The following MAGI2 variants were observed in gnomAD, a reference collection of about 807,000 sequenced individuals.
MAGI2 encodes the protein membrane-associated guanylate kinase, WW and PDZ domain-containing protein 2.
A neutral mutation model predicts 133.3 loss-of-function variants in MAGI2; 35 were observed. The observed-to-expected ratio is 0.26, with a 90% CI of 0.20 to 0.35. MAGI2 has a LOEUF of 0.35. Ranked by LOEUF, MAGI2 falls within the 10% of genes least tolerant of loss-of-function variation. The probability of loss-of-function intolerance (pLI) is 1.00; values close to 1 mark genes in which losing one functional copy is unlikely to be tolerated. For synonymous variants in MAGI2, 729 were observed against 710.6 expected (o/e 1.03, Z -0.41); for missense variants, 1,636 against 1,863.4 (o/e 0.88, Z 2.25).
At chr7:79,186,226 A>T (rs13311944) in intron 1 of MAGI2, among the ~76,000 whole-genome samples, 24,538 of 60,298 alleles carry the variant, frequency 0.41, 5,526 homozygotes, top group African/African-American at 0.59. Flanking sequence ...ATATATATAT[A>T]TATATATATA....
chr7:79,423,559 C>T (rs920501216), intron 1 of MAGI2, among the ~76,000 whole-genome samples: 6 of 151,670 alleles, frequency 4.0e-5, no homozygotes, highest in African/African-American at 9.7e-5. Flanking sequence ...TGTGAGGAGA[C>T]GAGTCTTTCA....
In MAGI2 at chr7:78,531,376, A is replaced by C. The variant is rs190967012; in HGVS notation, c.539-9731T>G. On this transcript the variant is annotated intron_variant, in intron 3 of 21. Coordinates refer to ENST00000354212, the MANE Select transcript of MAGI2 (RefSeq NM_012301.4). ...CTACAGGCATGCACCTCCACGTCGAATTAATTTTTGTATATTTAGTAGAGA... is the reference window on the plus strand; with the variant it reads ...CTACAGGCATGCACCTCCACGTCGACTTAATTTTTGTATATTTAGTAGAGA... 1.2e-3 allele frequency among the ~76,000 whole-genome samples: 188 copies of C among 151,934 alleles called. No homozygotes were observed. The Middle Eastern group carries it at 0.024, about 19-fold the overall frequency.
chr7:78,990,232 T>C (rs926826448), intron 2 of MAGI2, among the ~76,000 whole-genome samples: 7 of 152,206 alleles, frequency 4.6e-5, no homozygotes, highest in Admixed American at 1.3e-4. Flanking sequence ...GCCACCTCAT[T>C]AGAAAATAGT....
intron 1 of MAGI2, among the ~76,000 whole-genome samples, chr7:79,307,442 C>A (rs1837915785): frequency 6.6e-6 from 1 of 152,168 alleles, no homozygotes; most frequent in Non-Finnish European, 1.5e-5. Flanking sequence ...TCACCAGAGG[C>A]TTTCCCTAGA....
At chr7:78,909,520 G>A (rs1158516122) in intron 2 of MAGI2, among the ~76,000 whole-genome samples, 2 of 148,784 alleles carry the variant, frequency 1.3e-5, no homozygotes, top group South Asian at 2.1e-4. Context: ...GGAGAATGGC[G>A]TGAACCCAGG....
At chr7:79,311,965 T>C (rs1838325081) in intron 1 of MAGI2, among the ~76,000 whole-genome samples, 1 of 152,146 alleles carries the variant, frequency 6.6e-6, no homozygotes. Flanking sequence ...ATATCACCTC[T>C]TACTGCCTCT....
At chr7:78,027,130 T>G (rs1266185776) in intron 21 of MAGI2, among the ~76,000 whole-genome samples, 1 of 152,190 alleles carries the variant, frequency 6.6e-6, no homozygotes, top group African/African-American at 2.4e-5. Flanking sequence ...ACACTGACGC[T>G]GAATGTCTTT....
At chr7:78,259,108 T>C (rs1389171801) in intron 9 of MAGI2, among the ~76,000 whole-genome samples, 1 of 152,208 alleles carries the variant, frequency 6.6e-6, no homozygotes, top group African/African-American at 2.4e-5. Flanking sequence ...TTTCCCAGAC[T>C]GCCAGTGAAG....
rs117767402 is a variant in MAGI2 at position 79,042,721 on chromosome 7, G to A, written c.302-35515C>T. ...ACAAAGATATTTGGGATCTGAATTTGATACTTGGCCAAACAGACCTAACAG... is the reference window on the plus strand; with the variant it reads ...ACAAAGATATTTGGGATCTGAATTTAATACTTGGCCAAACAGACCTAACAG... On this transcript the variant is annotated intron_variant, in intron 1 of 21. Coordinates refer to ENST00000354212, the MANE Select transcript of MAGI2 (RefSeq NM_012301.4). Among the ~76,000 whole-genome samples the A allele has an allele frequency of 5.4e-3, 826 of 152,150 alleles. 4 individuals carry two copies. Among genetic ancestry groups the A allele is most frequent in the Non-Finnish European group, 6.8e-3 (462 of 67,984 alleles).
intron 1 of MAGI2, among the ~76,000 whole-genome samples, chr7:79,218,059 C>A (rs559386862): frequency 3.3e-5 from 5 of 152,104 alleles, no homozygotes; most frequent in African/African-American, 1.2e-4. Flanking sequence ...ACTAGAACTA[C>A]AATCTGCAAC....
At chr7:78,291,988 C>A (rs1475810964) in intron 9 of MAGI2, among the ~76,000 whole-genome samples, 3 of 152,070 alleles carry the variant, frequency 2.0e-5, no homozygotes, top group African/African-American at 4.8e-5. Context: ...ACTGAATGGG[C>A]AAAAACTGGA....
At chr7:78,108,693 TAC>T (rs1200285205) in intron 20 of MAGI2, among the ~76,000 whole-genome samples, 4 of 123,076 alleles carry the variant, frequency 3.3e-5, no homozygotes, top group Non-Finnish European at 6.0e-5. Flanking sequence ...TGTGAGTGTA[TAC>T]ACACACATAT....
intron 2 of MAGI2, among the ~76,000 whole-genome samples, chr7:78,932,397 A>G (rs1800203369): frequency 6.6e-6 from 1 of 152,070 alleles, no homozygotes; most frequent in South Asian, 2.1e-4. Flanking sequence ...CAAGTGTGAA[A>G]TGTCTTACAG....
chr7:78,758,720 T>C (rs1208435447), intron 2 of MAGI2, among the ~76,000 whole-genome samples: 1 of 152,186 alleles, frequency 6.6e-6, no homozygotes. Context: ...CACCATTTTT[T>C]TGGGCAAACA....
chr7:78,344,275 G>A (rs1325240981), intron 8 of MAGI2, among the ~76,000 whole-genome samples: 1 of 152,176 alleles, frequency 6.6e-6, no homozygotes, highest in Non-Finnish European at 1.5e-5. Context: ...GGCTGCCAGA[G>A]CCTTCTAAGA....
intron 2 of MAGI2, among the ~76,000 whole-genome samples, chr7:78,815,855 G>A (rs1381526621): frequency 6.6e-6 from 1 of 152,046 alleles, no homozygotes; most frequent in Non-Finnish European, 1.5e-5. Flanking sequence ...TTGAAGTCAG[G>A]CCAATTAATA....
intron 1 of MAGI2, among the ~76,000 whole-genome samples, chr7:79,238,627 T>G (rs1832129856): frequency 6.6e-6 from 1 of 152,186 alleles, no homozygotes; most frequent in African/African-American, 2.4e-5. Flanking sequence ...CTGCAGTCAG[T>G]ACATATGAAG....
chr7:79,200,596 A>G (rs1585185704), intron 1 of MAGI2, among the ~76,000 whole-genome samples: 1 of 149,802 alleles, frequency 6.7e-6, no homozygotes, highest in South Asian at 2.1e-4. Flanking sequence ...GGGTGACAGA[A>G]TGAGACCCCA....
intron 1 of MAGI2, among the ~76,000 whole-genome samples, chr7:79,267,678 C>T (rs530807560): frequency 2.0e-5 from 3 of 152,046 alleles, no homozygotes; most frequent in South Asian, 4.1e-4. Context: ...CCTGAAGGTT[C>T]GAGTCTGTGG....
Sources: allele counts gnomAD v4.1 joint callset (sites outside exome capture counted in the v4.1 genomes callset), GRCh38; gene constraint gnomAD v4.1.1; transcripts MANE v1.5; gene names NCBI Gene and HGNC (gene_info 2026-07-23, HGNC 2026-07-21).